KCNH8: variants seen among roughly 807,000 people sequenced by gnomAD.
KCNH8 encodes the protein potassium voltage-gated channel subfamily H member 8, also known as voltage-gated delayed rectifier potassium channel KCNH8.
In KCNH8, 70 loss-of-function variants were observed where a neutral mutation model predicts 103.6. The observed-to-expected ratio is 0.68, with a 90% CI of 0.56 to 0.82. The LOEUF is 0.82. Ranked by LOEUF, KCNH8 falls within the 40% of genes least tolerant of loss-of-function variation. The pLI, the probability that KCNH8 is intolerant of heterozygous loss-of-function variation, is 0.00. For synonymous variants in KCNH8, 498 were observed against 489.4 expected, an observed-to-expected ratio of 1.02 and a Z score of -0.23; for missense variants, 1,217 against 1,329.9, an observed-to-expected ratio of 0.92 and a Z score of 1.32.
intron 7 of KCNH8, among the ~76,000 whole-genome samples, chr3:19,401,348 T>G (rs1429144391): frequency 6.6e-6 from 1 of 152,064 alleles, no homozygotes; most frequent in East Asian, 1.9e-4. Flanking sequence ...TCCACCGTCC[T>G]ATACTTTTTC....
intron 3 of KCNH8, among the ~76,000 whole-genome samples, chr3:19,294,169 T>C (rs930074948): frequency 6.6e-6 from 1 of 152,180 alleles, no homozygotes; most frequent in Non-Finnish European, 1.5e-5. Context: ...TTTTTGACTC[T>C]TCTGTTGTTA....
chr3:19,444,415 A>T (rs1398767720), intron 8 of KCNH8, among the ~76,000 whole-genome samples: 1 of 152,034 alleles, frequency 6.6e-6, no homozygotes, highest in African/African-American at 2.4e-5. Flanking sequence ...AAGGTAATAT[A>T]GGAGAATATT....
intron 5 of KCNH8, among the ~76,000 whole-genome samples, chr3:19,387,451 T>C (rs1002793136): frequency 1.1e-4 from 16 of 152,180 alleles, no homozygotes; most frequent in African/African-American, 3.9e-4. Flanking sequence ...CAAGTGATAG[T>C]AGTCCACCTG....
At chr3:19,212,925 T>A (rs775596183) in intron 1 of KCNH8, among the ~76,000 whole-genome samples, 43 of 152,188 alleles carry the variant, frequency 2.8e-4, no homozygotes, top group Non-Finnish European at 5.6e-4. Context: ...GAATATCTCA[T>A]CCAACTCCTT....
chr3:19,449,933 A>AC (rs1009590576), intron 8 of KCNH8, among the ~76,000 whole-genome samples, 173 bp from the exon 9 acceptor site: 28 of 152,092 alleles, frequency 1.8e-4, no homozygotes, highest in African/African-American at 5.8e-4. Flanking sequence ...TTCAGGATGT[A>AC]CCCTGTGACA....
chr3:19,224,866 A>G (rs1255819316), intron 1 of KCNH8, among the ~76,000 whole-genome samples: 1 of 152,196 alleles, frequency 6.6e-6, no homozygotes, highest in African/African-American at 2.4e-5. Context: ...CATAAAACCC[A>G]GCCTCCAGCA....
intron 5 of KCNH8, among the ~76,000 whole-genome samples, chr3:19,353,861 A>G (rs2065840823): frequency 6.6e-6 from 1 of 152,180 alleles, no homozygotes; most frequent in Non-Finnish European, 1.5e-5. Flanking sequence ...CCTATTCAAC[A>G]TAGTGATGGA....
At chr3:19,279,659 C>CT (rs900271850) in intron 2 of KCNH8, among the ~76,000 whole-genome samples, 2 of 151,684 alleles carry the variant, frequency 1.3e-5, no homozygotes, top group African/African-American at 4.8e-5. Flanking sequence ...CCATGTGTAA[C>CT]TTATGAGAGC....
intron 3 of KCNH8, among the ~76,000 whole-genome samples, chr3:19,331,637 G>C (rs1280298584): frequency 6.6e-6 from 1 of 152,088 alleles, no homozygotes; most frequent in Non-Finnish European, 1.5e-5. Flanking sequence ...AGGTATTTAT[G>C]GGATGCATAA....
chr3:19,163,297 T>A (rs1035192918), intron 1 of KCNH8, among the ~76,000 whole-genome samples: 5 of 150,098 alleles, frequency 3.3e-5, no homozygotes, highest in South Asian at 4.1e-4. Context: ...TATATATATA[T>A]AAAACAAATA....
chr3:19,264,568 A>G (rs2064482088), intron 2 of KCNH8, among the ~76,000 whole-genome samples: 1 of 152,124 alleles, frequency 6.6e-6, no homozygotes, highest in African/African-American at 2.4e-5. Flanking sequence ...CAGTGCATTC[A>G]TCAGAAACTG....
chr3:19,439,984 A>G (rs1380066301), intron 8 of KCNH8, among the ~76,000 whole-genome samples: 2 of 151,454 alleles, frequency 1.3e-5, no homozygotes, highest in East Asian at 1.9e-4. Flanking sequence ...AAAGGATGGA[A>G]GGCAGGCAGG....
intron 1 of KCNH8, among the ~76,000 whole-genome samples, chr3:19,216,320 T>C (rs1323721489): frequency 6.6e-6 from 1 of 152,142 alleles, no homozygotes; most frequent in East Asian, 1.9e-4. Context: ...GGACGAAGAG[T>C]GTTTGTGTTA....
chr3:19,301,206 T>C (rs1463129891), intron 3 of KCNH8, among the ~76,000 whole-genome samples: 1 of 151,722 alleles, frequency 6.6e-6, no homozygotes, highest in Non-Finnish European at 1.5e-5. Context: ...ATAAGGTCTC[T>C]GTATCACAGT....
chr3:19,376,905 A>C (rs2125121603), intron 5 of KCNH8, among the ~76,000 whole-genome samples: 1 of 152,354 alleles, frequency 6.6e-6, no homozygotes, highest in Middle Eastern at 3.4e-3. Context: ...GACTTAAAAA[A>C]ATATGAAGAC....
At chr3:19,257,803 C>T (rs565582544) in intron 2 of KCNH8, among the ~76,000 whole-genome samples, 7 of 152,160 alleles carry the variant, frequency 4.6e-5, no homozygotes, top group Admixed American at 2.0e-4. Context: ...GCTTAAACAA[C>T]AGAAATCTGT....
At chr3:19,381,649 A>T (rs1343889594) in intron 5 of KCNH8, among the ~76,000 whole-genome samples, 2 of 152,156 alleles carry the variant, frequency 1.3e-5, no homozygotes, top group Non-Finnish European at 2.9e-5. Flanking sequence ...GTTATTAATC[A>T]TAAGGAAAAT....
chr3:19,243,171 C>T (rs1391891694), intron 1 of KCNH8, among the ~76,000 whole-genome samples: 1 of 152,132 alleles, frequency 6.6e-6, no homozygotes. Flanking sequence ...TTTATTTCAG[C>T]CTAATTTATT....
At position 19,535,059 on chromosome 3, in the gene KCNH8, T is replaced by C. The variant is rs2069242696; in HGVS notation, c.*960T>C. ...TGTCAATGACATGATTTAAGGTCGT[T>C]GTGCCAGCAGAAATGTCTCTCCTCT... On this transcript the variant is annotated 3_prime_UTR_variant, in exon 16 of 16. Transcript: ENST00000328405. 6.6e-6 allele frequency: 1 copy of C among 152,214 alleles called. No homozygotes were observed. Among genetic ancestry groups the C allele is most frequent in the South Asian group, 2.1e-4 (1 of 4,834 alleles). The allele number at this position is 152,214 out of a possible 1,614,324, so 9.4% of individuals were successfully genotyped here.
Sources: allele counts gnomAD v4.1 joint callset (sites outside exome capture counted in the v4.1 genomes callset), GRCh38; gene constraint gnomAD v4.1.1; transcripts MANE v1.5; gene names NCBI Gene and HGNC (gene_info 2026-07-23, HGNC 2026-07-21).